The following KIF4A variants were observed in gnomAD, a reference collection of about 807,000 sequenced individuals.
KIF4A encodes chromosome-associated kinesin KIF4A.
KIF4A carries 7 observed loss-of-function variants against 105.9 expected under a neutral mutation model. The observed-to-expected ratio is 0.07, with a 90% CI of 0.04 to 0.12. The LOEUF is 0.12. KIF4A is among the 10% of genes least tolerant of loss of function. The pLI, the probability that KIF4A is intolerant of heterozygous loss-of-function variation, is 1.00. For missense variants in KIF4A, 558 were observed against 929.2 expected (o/e 0.60, Z 5.19); for synonymous variants, 281 against 331.3 (o/e 0.85, Z 1.65).
chrX:70,350,091 C>T (rs1367277866), intron 13 of KIF4A, among the ~76,000 whole-genome samples: 4 of 114,084 alleles, frequency 3.5e-5, no homozygotes, highest in African/African-American at 6.3e-5. Flanking sequence ...GGGTGGCGGC[C>T]GGGCAGAGGC....
At chrX:70,308,678 C>T (rs1440246259) in intron 7 of KIF4A, among the ~76,000 whole-genome samples, 14 of 112,172 alleles carry the variant, frequency 1.2e-4, no homozygotes, top group African/African-American at 4.2e-4. Flanking sequence ...GGCACGATCT[C>T]GGCTCACTGC....
intron 18 of KIF4A, among the ~76,000 whole-genome samples, chrX:70,385,488 A>G (rs1251956694): frequency 8.9e-6 from 1 of 112,395 alleles, no homozygotes; most frequent in Non-Finnish European, 1.9e-5. Flanking sequence ...TTATAATTGT[A>G]TTGCATGTTG....
At chrX:70,345,419 G>A (rs2085988390) in intron 13 of KIF4A, among the ~76,000 whole-genome samples, 1 of 106,890 alleles carries the variant, frequency 9.4e-6, no homozygotes, top group African/African-American at 3.4e-5. Context: ...AGCCGAGATT[G>A]TGCCACTGCA....
chrX:70,299,517 A>G (rs2085796505), intron 5 of KIF4A, among the ~76,000 whole-genome samples: 2 of 111,767 alleles, frequency 1.8e-5, no homozygotes, highest in African/African-American at 6.5e-5. Flanking sequence ...GGCTATTTAA[A>G]TTTAAATGAA....
chrX:70,402,750 A>G, intron 23 of KIF4A, 55 bp downstream of exon 23: 1 of 1,157,573 alleles, frequency 8.6e-7, no homozygotes, highest in Non-Finnish European at 1.2e-6. Context: ...TTGAAATGGG[A>G]TGTTAGCCTT....
intron 28 of KIF4A, among the ~76,000 whole-genome samples, chrX:70,407,724 C>T (rs1441973801): frequency 8.9e-6 from 1 of 112,248 alleles, no homozygotes; most frequent in African/African-American, 3.2e-5. Flanking sequence ...TAGCACTTTA[C>T]AGTTTATAAA....
chrX:70,316,212 C>G (rs1361807849), intron 7 of KIF4A, among the ~76,000 whole-genome samples: 1 of 112,200 alleles, frequency 8.9e-6, no homozygotes. Flanking sequence ...CCTAAATTCT[C>G]TACTAAGTAT....
In KIF4A at chrX:70,395,825, G is replaced by A. The variant is rs575516116; in HGVS notation, c.2387G>A (p.Arg796Gln). Residue 796 changes from arginine to glutamine, a missense_variant and splice_region_variant, in exon 21 of 31, where the codon CGG (arginine) becomes CAG (glutamine). This residue lies in a region of KIF4A where 469 missense variants were observed against 680.4 expected (regional missense o/e 0.69). Transcript: ENST00000374403. ...GGGGAGAATCCACCTCCTAAACTCC[G>A]GGTAAGTACGCTTATGAAAAAATGT... ...ESGENPPPKL[R>Q]RRTFSLTEVR... The A allele has an allele frequency of 4.1e-6, 5 of 1,209,053 alleles. No homozygotes were observed. The highest frequency in any genetic ancestry group is 1.8e-5 in the African/African-American group (1 of 57,120).
chrX:70,407,159 G>A, intron 28 of KIF4A, 84 bp downstream of exon 28: 1 of 1,014,183 alleles, frequency 9.9e-7, no homozygotes, highest in South Asian at 2.4e-5. Flanking sequence ...CCAGGCTGGA[G>A]TACAGTGGTG....
At chrX:70,329,695 A>G (rs1569234400) in intron 8 of KIF4A, among the ~76,000 whole-genome samples, 174 bp downstream of exon 8, 2 of 112,613 alleles carry the variant, frequency 1.8e-5, no homozygotes, top group East Asian at 2.8e-4. Flanking sequence ...ATGGAAAAAT[A>G]TCTTCATATA....
Position 70,325,524 on chromosome X carries a change from C to T in KIF4A, c.779-3881C>T, listed in dbSNP as rs187755308. On this transcript the variant is annotated intron_variant, in intron 7 of 30. Coordinates refer to ENST00000374403, the MANE Select transcript of KIF4A (RefSeq NM_012310.5). ...AACTCCTGGGCTCAAGCAATCCACC[C>T]GCTTCGGCCCCCCAAAGTGCTGGCA... 2.2e-4 allele frequency among the ~76,000 whole-genome samples: 25 copies of T among 111,475 alleles called. No homozygotes were observed. In the East Asian group the frequency reaches 3.7e-3, roughly 16 times the overall value.
chrX:70,366,632 T>C (rs2086104761), intron 15 of KIF4A, among the ~76,000 whole-genome samples: 1 of 112,251 alleles, frequency 8.9e-6, no homozygotes, highest in South Asian at 3.7e-4. Flanking sequence ...TTATAATTTC[T>C]GTTCTTTTAC....
chrX:70,302,343 C>G lies in KIF4A; in HGVS notation c.723C>G (p.Leu241=). ...SFRSKLHLVD[L]AGSERQKKTK... ...GCTCCAAGCTGCATCTTGTAGACCTCGCTGGATCAGAAAGACAGAAGAAAA... is the reference window on the plus strand; with the variant it reads ...GCTCCAAGCTGCATCTTGTAGACCTGGCTGGATCAGAAAGACAGAAGAAAA... The change falls in exon 7 of 31, where the codon CTC becomes CTG. Residue 241 remains leucine (L), a synonymous_variant. Transcript: ENST00000374403. The G allele has an allele frequency of 8.3e-7, 1 of 1,211,551 alleles. No individual in the cohort carries two copies. The highest frequency in any genetic ancestry group is 1.1e-6 in the Non-Finnish European group (1 of 895,414).
chrX:70,334,439 C>T (rs1367001463), intron 10 of KIF4A, among the ~76,000 whole-genome samples: 1 of 112,061 alleles, frequency 8.9e-6, no homozygotes, highest in Non-Finnish European at 1.9e-5. Context: ...TGGCTTTCCC[C>T]CTTTCCTTAT....
At chrX:70,317,660 T>C (rs1462658050) in intron 7 of KIF4A, among the ~76,000 whole-genome samples, 1 of 105,163 alleles carries the variant, frequency 9.5e-6, no homozygotes, top group Non-Finnish European at 1.9e-5. Context: ...TCCTCCCTCC[T>C]TAGCCTCCTG....
At chrX:70,360,781 G>C (rs748897471) in intron 15 of KIF4A, among the ~76,000 whole-genome samples, 1 of 112,854 alleles carries the variant, frequency 8.9e-6, no homozygotes, top group African/African-American at 3.2e-5. Context: ...GCAGGAAAGG[G>C]CACCTTGAGT....
intron 22 of KIF4A, among the ~76,000 whole-genome samples, chrX:70,397,339 C>T (rs2086263818): frequency 9.0e-6 from 1 of 111,218 alleles, no homozygotes; most frequent in Non-Finnish European, 1.9e-5. Flanking sequence ...CACTGCACTC[C>T]TGGGCGACAG....
chrX:70,323,670 A>G (rs911792266), intron 7 of KIF4A, among the ~76,000 whole-genome samples: 1 of 111,317 alleles, frequency 9.0e-6, no homozygotes, highest in Admixed American at 9.6e-5. Flanking sequence ...ACATTTTACT[A>G]TATTTGCTTT....
chrX:70,346,741 T>C (rs1199454), intron 13 of KIF4A, among the ~76,000 whole-genome samples: 13,855 of 110,898 alleles, frequency 0.12, 1,423 homozygotes, highest in African/African-American at 0.34. Context: ...CCAGGAGTCC[T>C]GCTGGACTCC....
Sources: allele counts gnomAD v4.1 joint callset (sites outside exome capture counted in the v4.1 genomes callset), GRCh38; gene constraint gnomAD v4.1.1; regional missense constraint gnomAD v4.1.1; transcripts MANE v1.5; gene names NCBI Gene and HGNC (gene_info 2026-07-23, HGNC 2026-07-21).